The following ARHGAP31 variants were observed in gnomAD, a reference collection of about 807,000 sequenced individuals.
The protein encoded by ARHGAP31 is Rho GTPase activating protein 31, also known as rho GTPase-activating protein 31.
Under a neutral mutation model 113.9 loss-of-function variants are expected in ARHGAP31, and 34 were observed. The observed-to-expected ratio is 0.30, with a 90% CI of 0.23 to 0.40. ARHGAP31 has a LOEUF of 0.40. ARHGAP31 is among the 10% of genes least tolerant of loss of function. The probability of loss-of-function intolerance (pLI) is 1.00; values close to 1 mark genes in which losing one functional copy is unlikely to be tolerated. For synonymous variants in ARHGAP31, 650 were observed against 684.8 expected, an observed-to-expected ratio of 0.95 and a Z score of 0.79; for missense variants, 1,548 against 1,767.1, an observed-to-expected ratio of 0.88 and a Z score of 2.22.
chr3:119,329,938 C>T (rs538505689), intron 1 of ARHGAP31: 8 of 985,472 alleles, frequency 8.1e-6, no homozygotes, highest in East Asian at 1.1e-4. Context: ...CAAACAAAGA[C>T]GCTGAAGAAG....
intron 11 of ARHGAP31, among the ~76,000 whole-genome samples, chr3:119,411,502 A>C (rs1300349232): frequency 6.6e-6 from 1 of 152,224 alleles, no homozygotes; most frequent in Non-Finnish European, 1.5e-5. Context: ...AAAGAGATGC[A>C]CTGTGGGTCC....
intron 1 of ARHGAP31, among the ~76,000 whole-genome samples, chr3:119,339,482 T>A (rs2079988806): frequency 6.6e-6 from 1 of 152,042 alleles, no homozygotes; most frequent in African/African-American, 2.4e-5. Flanking sequence ...GTGGGAAGAA[T>A]CACTCTACCC....
chr3:119,336,831 T>A (rs2079954179), intron 1 of ARHGAP31, among the ~76,000 whole-genome samples: 1 of 152,128 alleles, frequency 6.6e-6, no homozygotes, highest in Non-Finnish European at 1.5e-5. Flanking sequence ...CCACCTACTC[T>A]CCCGGCCCTA....
chr3:119,409,262 G>C (rs1261978837), intron 10 of ARHGAP31, among the ~76,000 whole-genome samples: 1 of 152,160 alleles, frequency 6.6e-6, no homozygotes, highest in East Asian at 1.9e-4. Context: ...CCCTGGTTGA[G>C]AACCACCGGA....
At chr3:119,363,379 C>G (rs1383883550) in intron 1 of ARHGAP31, among the ~76,000 whole-genome samples, 1 of 152,160 alleles carries the variant, frequency 6.6e-6, no homozygotes, top group East Asian at 1.9e-4. Context: ...GACCCCTGCC[C>G]ACACCCACAG....
chr3:119,391,602 C>CA lies in ARHGAP31; in HGVS notation c.881+619_881+620insA, dbSNP rs1410622626. Among the ~76,000 whole-genome samples, 8 of 113,780 alleles carry CA rather than the reference C, an allele frequency of 7.0e-5. No individual in the cohort carries two copies. The East Asian group carries it at 9.0e-4, about 13-fold the overall frequency. 74.6% of individuals were successfully genotyped at this position (113,780 alleles called of 152,430 possible). On this transcript the variant is annotated intron_variant, in intron 7 of 11. Transcript: ENST00000264245. ...ACCTGGGTCTCTACCCCCCCCTCCC[C>CA]CCCGCCGTCACTCATATCCCATAGT...
chr3:119,362,117 G>A (rs566409315), intron 1 of ARHGAP31, among the ~76,000 whole-genome samples: 4 of 152,200 alleles, frequency 2.6e-5, no homozygotes, highest in Non-Finnish European at 5.9e-5. Flanking sequence ...ATCTGAGAAC[G>A]GGCTGGAACA....
Position 119,419,963 on chromosome 3 carries a change from A to G in ARHGAP31, c.*3699A>G, listed in dbSNP as rs2080808359. 6.6e-6 allele frequency: 1 copy of G among 152,232 alleles called. No homozygotes were observed. The highest frequency in any genetic ancestry group is 2.1e-4 in the South Asian group (1 of 4,830). The allele number at this position is 152,232 out of a possible 1,614,324, so 9.4% of individuals were successfully genotyped here. On this transcript the variant is annotated 3_prime_UTR_variant, in exon 12 of 12. Transcript: ENST00000264245. ...AAAGGGGATTTTAGAGACTTCTGTC[A>G]TCACAAAGCAGATTAACTCCTAGTT...
intron 10 of ARHGAP31, among the ~76,000 whole-genome samples, chr3:119,404,768 T>G (rs1459223596): frequency 6.6e-6 from 1 of 152,224 alleles, no homozygotes. Context: ...TAAAGTTAAA[T>G]GATTGTAAAT....
At chr3:119,331,189 A>C (rs2079888598) in intron 1 of ARHGAP31, among the ~76,000 whole-genome samples, 1 of 152,174 alleles carries the variant, frequency 6.6e-6, no homozygotes. Context: ...AATCTGCCCC[A>C]GGGTCCCCAT....
In ARHGAP31 at chr3:119,309,769, TC is replaced by T. The variant is rs532050274; in HGVS notation, c.100+14772del. On this transcript the variant is annotated intron_variant, in intron 1 of 11. Transcript: ENST00000264245. ...TGAGACTCTGTCTCAAAAAAAACTA[TC>T]CCCCCCACCACAACCACCAGCACCA... Among the ~76,000 whole-genome samples the T allele has an allele frequency of 1.0e-4, 15 of 149,938 alleles. No individual in the cohort carries two copies. In the South Asian group the frequency reaches 1.5e-3, roughly 15 times the overall value.
chr3:119,369,016 TG>T (rs2080273944), intron 3 of ARHGAP31, among the ~76,000 whole-genome samples: 2 of 151,942 alleles, frequency 1.3e-5, no homozygotes, highest in African/African-American at 4.8e-5. Context: ...GAAAAGAATA[TG>T]AGAAAAACAG....
chr3:119,359,104 GATTCC>G (rs1306648246), intron 1 of ARHGAP31, among the ~76,000 whole-genome samples: 6 of 151,164 alleles, frequency 4.0e-5, no homozygotes, highest in Non-Finnish European at 7.4e-5. Context: ...TGCAACCTCT[GATTCC>G]CAGGTTCAAG....
intron 1 of ARHGAP31, among the ~76,000 whole-genome samples, chr3:119,343,778 C>G (rs2080030940): frequency 6.6e-6 from 1 of 152,200 alleles, no homozygotes; most frequent in African/African-American, 2.4e-5. Flanking sequence ...AAACAGCTCC[C>G]CCTTATCTCT....
intron 1 of ARHGAP31, among the ~76,000 whole-genome samples, chr3:119,345,492 C>T (rs549690746): frequency 6.6e-6 from 1 of 152,098 alleles, no homozygotes; most frequent in Non-Finnish European, 1.5e-5. Flanking sequence ...CTCCAGAACT[C>T]ATGCCCTTAA....
chr3:119,306,909 C>T (rs1425901417), intron 1 of ARHGAP31, among the ~76,000 whole-genome samples: 1 of 152,110 alleles, frequency 6.6e-6, no homozygotes, highest in Admixed American at 6.5e-5. Flanking sequence ...ACTGAAGATA[C>T]ATTTTTATCT....
chr3:119,330,116 A>G (rs1435938396), intron 1 of ARHGAP31: 3 of 713,240 alleles, frequency 4.2e-6, no homozygotes, highest in Non-Finnish European at 3.4e-6. Context: ...TGTTGTGGAG[A>G]GAGCCTTCAG....
intron 1 of ARHGAP31, among the ~76,000 whole-genome samples, chr3:119,307,939 G>GAAAAAAAAAAAAAAAAAAA (rs1559961514): frequency 1.2e-3 from 2 of 1,644 alleles, no homozygotes; most frequent in Non-Finnish European, 2.6e-3. Flanking sequence ...TGAATTAACA[G>GAAAAAAAAAAAAAAAAAAA]CAAAAAAAAA....
intron 1 of ARHGAP31, among the ~76,000 whole-genome samples, chr3:119,315,905 A>T (rs1408333069): frequency 6.6e-6 from 1 of 152,232 alleles, no homozygotes; most frequent in African/African-American, 2.4e-5. Flanking sequence ...CTTAGACAGC[A>T]CATTACAGAG....
Sources: allele counts gnomAD v4.1 joint callset (sites outside exome capture counted in the v4.1 genomes callset), GRCh38; gene constraint gnomAD v4.1.1; transcripts MANE v1.5; gene names NCBI Gene and HGNC (gene_info 2026-07-23, HGNC 2026-07-21).